ABTB3: variants seen among roughly 807,000 people sequenced by gnomAD.
ABTB3 encodes the protein ankyrin repeat and BTB domain containing 3.
At chr12:107,440,071 C>G in the ABTB3 span, among the ~76,000 whole-genome samples, 76 of 152,302 alleles carry the variant, frequency 5.0e-4, 1 homozygote, top group Admixed American at 1.8e-3. Context: ...TGGTTCATTA[C>G]CTGGGAACAC....
the ABTB3 span, among the ~76,000 whole-genome samples, chr12:107,436,819 G>A: frequency 1.3e-5 from 2 of 152,222 alleles, no homozygotes; most frequent in Admixed American, 6.5e-5. Context: ...TACCCCCAAA[G>A]TATGTGCAAC....
the ABTB3 span, among the ~76,000 whole-genome samples, chr12:107,439,620 GTCC>G: frequency 6.6e-6 from 1 of 152,070 alleles, no homozygotes; most frequent in African/African-American, 2.4e-5. Flanking sequence ...CCTCCTCCCT[GTCC>G]CTCCTTTCAC....
At chr12:107,520,602 G>C in the ABTB3 span, 2 of 1,614,212 alleles carry the variant, frequency 1.2e-6, no homozygotes, top group Admixed American at 3.3e-5. Context: ...AGCAGTCTTT[G>C]CTGGCCACGC....
At chr12:107,645,899 G>GC in the ABTB3 span, among the ~76,000 whole-genome samples, 1 of 152,202 alleles carries the variant, frequency 6.6e-6, no homozygotes, top group Non-Finnish European at 1.5e-5. Flanking sequence ...TTTTCCGTGT[G>GC]CCCGCCCTTT....
chr12:107,352,493 C>T, the ABTB3 span, among the ~76,000 whole-genome samples: 1 of 152,084 alleles, frequency 6.6e-6, no homozygotes, highest in African/African-American at 2.4e-5. Context: ...GGGCAGTGGG[C>T]AGGCATCAAA....
the ABTB3 span, among the ~76,000 whole-genome samples, chr12:107,476,225 A>C: frequency 6.6e-6 from 1 of 152,206 alleles, no homozygotes; most frequent in Non-Finnish European, 1.5e-5. Context: ...CCTGGGGCAC[A>C]GTGAAATGTC....
chr12:107,457,108 C>T, the ABTB3 span, among the ~76,000 whole-genome samples: 45 of 152,324 alleles, frequency 3.0e-4, no homozygotes, highest in African/African-American at 1.0e-3. Context: ...TTGATCCCCC[C>T]GCCTTGGCCT....
At chr12:107,481,883 G>GTCTTTCTCTCTCTCTCTCTC in the ABTB3 span, among the ~76,000 whole-genome samples, 1 of 108,242 alleles carries the variant, frequency 9.2e-6, no homozygotes, top group African/African-American at 3.6e-5. Context: ...GAAATCAAGA[G>GTCTTTCTCTCTCTCTCTCTC]TCTCTCTCTC....
chr12:107,590,167 G>A, the ABTB3 span, among the ~76,000 whole-genome samples: 1 of 152,208 alleles, frequency 6.6e-6, no homozygotes, highest in South Asian at 2.1e-4. Flanking sequence ...ACCTGCCTCA[G>A]CCTCCCAAAG....
chr12:107,403,997 T>C, the ABTB3 span, among the ~76,000 whole-genome samples: 1 of 151,676 alleles, frequency 6.6e-6, no homozygotes, highest in African/African-American at 2.4e-5. Flanking sequence ...ACCCCGTCTC[T>C]ACTAAAAATA....
At chr12:107,356,512 A>G in the ABTB3 span, among the ~76,000 whole-genome samples, 1 of 152,202 alleles carries the variant, frequency 6.6e-6, no homozygotes, top group Non-Finnish European at 1.5e-5. Flanking sequence ...CTCCGTGTGA[A>G]GCCCTTCCAG....
the ABTB3 span, among the ~76,000 whole-genome samples, chr12:107,625,943 C>T: frequency 1.3e-5 from 2 of 152,110 alleles, no homozygotes; most frequent in African/African-American, 2.4e-5. Context: ...CTGTGCTGTT[C>T]GGCTGGAGTA....
At chr12:107,617,845 A>G in the ABTB3 span, 1 of 413,458 alleles carries the variant, frequency 2.4e-6, no homozygotes, top group Admixed American at 4.1e-5. Flanking sequence ...ACATAACCCC[A>G]AGCAGAGCAC....
the ABTB3 span, among the ~76,000 whole-genome samples, chr12:107,476,406 A>G: frequency 6.6e-6 from 1 of 152,150 alleles, no homozygotes; most frequent in South Asian, 2.1e-4. Flanking sequence ...ACCTTGCGGT[A>G]TTAGGAGACC....
chr12:107,565,463 T>C, the ABTB3 span, among the ~76,000 whole-genome samples: 1 of 152,200 alleles, frequency 6.6e-6, no homozygotes, highest in South Asian at 2.1e-4. Flanking sequence ...CCCTCTGTTA[T>C]TCTCACTCTT....
At chr12:107,348,446 C>A in the ABTB3 span, among the ~76,000 whole-genome samples, 1 of 152,110 alleles carries the variant, frequency 6.6e-6, no homozygotes, top group East Asian at 1.9e-4. Flanking sequence ...CAGAAGAGAC[C>A]TGTTCACGCC....
At chr12:107,323,315 T>C in the ABTB3 span, among the ~76,000 whole-genome samples, 2 of 152,198 alleles carry the variant, frequency 1.3e-5, no homozygotes, top group African/African-American at 4.8e-5. Flanking sequence ...TTTCTGTACC[T>C]GTCCACCTTT....
chr12:107,407,211 C>T, the ABTB3 span, among the ~76,000 whole-genome samples: 1 of 152,176 alleles, frequency 6.6e-6, no homozygotes, highest in Non-Finnish European at 1.5e-5. Context: ...CAGGGTTTGG[C>T]AGGCTTCAAT....
the ABTB3 span, among the ~76,000 whole-genome samples, chr12:107,427,261 C>T: frequency 2.0e-5 from 3 of 151,898 alleles, no homozygotes; most frequent in Admixed American, 6.6e-5. Flanking sequence ...TTCTCTCTGA[C>T]TTCTGACCCT....
Sources: gnomAD v4.1 joint callset for allele counts (sites outside exome capture counted in the v4.1 genomes callset) on GRCh38, gnomAD v4.1.1 for gene constraint, MANE v1.5 for transcripts, NCBI Gene and HGNC (gene_info 2026-07-23, HGNC 2026-07-21) for gene names.